The following RPGRIP1L variants were observed in gnomAD, a reference collection of about 807,000 sequenced individuals.
RPGRIP1L encodes RPGRIP1 like.
Under a neutral mutation model 160.4 loss-of-function variants are expected in RPGRIP1L, and 131 were observed. The ratio of observed to expected loss-of-function variants is 0.82; its 90% confidence interval spans 0.71 to 0.94. RPGRIP1L has a LOEUF of 0.94. Ranked by LOEUF, RPGRIP1L falls within the 40% of genes least tolerant of loss-of-function variation. RPGRIP1L has a pLI of 0.00. For missense variants in RPGRIP1L, 1,522 were observed against 1,535.8 expected (o/e 0.99, Z 0.15); for synonymous variants, 510 against 515.8 (o/e 0.99, Z 0.15).
At chr16:53,617,263 T>C (rs556047647) in intron 24 of RPGRIP1L, among the ~76,000 whole-genome samples, 8 of 152,120 alleles carry the variant, frequency 5.3e-5, no homozygotes, top group East Asian at 3.9e-4. Context: ...AGTTTCTCAA[T>C]AGACAATTAA....
chr16:53,678,607 A>G (rs923213548), intron 6 of RPGRIP1L, among the ~76,000 whole-genome samples: 3 of 152,178 alleles, frequency 2.0e-5, no homozygotes, highest in Non-Finnish European at 4.4e-5. Context: ...TGAAAGCTAA[A>G]AAAAAGCTTC....
At chr16:53,631,891 C>T (rs1598279018) in intron 22 of RPGRIP1L, among the ~76,000 whole-genome samples, 2 of 152,054 alleles carry the variant, frequency 1.3e-5, no homozygotes, top group Non-Finnish European at 2.9e-5. Context: ...TTGGGTGGCA[C>T]ATTATGTTAA....
rs114211526 is a variant in RPGRIP1L, at chr16:53,614,762, G to T, written c.3617-3711C>A. On this transcript the variant is annotated intron_variant, in intron 24 of 26. Transcript: ENST00000647211. ...GTATCAGAACTCTCCAAAAGTTAAG[G>T]TATTTACCTTTCATTCTCCTCAGAA... 6.4e-3 allele frequency among the ~76,000 whole-genome samples: 975 copies of T among 152,236 alleles called. 9 individuals carry two copies. Among genetic ancestry groups the T allele is most frequent in the African/African-American group, 0.022 (913 of 41,528 alleles).
At chr16:53,609,583 C>A (rs1166279867) in intron 25 of RPGRIP1L, among the ~76,000 whole-genome samples, 2 of 152,140 alleles carry the variant, frequency 1.3e-5, no homozygotes, top group African/African-American at 4.8e-5. Flanking sequence ...ACAAATAAGA[C>A]TGAATAGGCT....
chr16:53,646,370 C>A (rs954387946), intron 16 of RPGRIP1L, among the ~76,000 whole-genome samples: 2 of 152,120 alleles, frequency 1.3e-5, no homozygotes, highest in African/African-American at 4.8e-5. Context: ...TTCACCCGCC[C>A]ACCCAGAGTA....
intron 15 of RPGRIP1L, 89 bp downstream of exon 15, chr16:53,652,446 T>C: frequency 9.6e-7 from 1 of 1,044,846 alleles, no homozygotes; most frequent in South Asian, 1.3e-5. Context: ...ACCTTTAATA[T>C]ACAAGAAAAG....
chr16:53,638,487 A>C, intron 19 of RPGRIP1L, 76 bp from the exon 20 acceptor site: 1 of 771,216 alleles, frequency 1.3e-6, no homozygotes, highest in Non-Finnish European at 2.2e-6. Context: ...TATCATATAC[A>C]TATTGAACTA....
chr16:53,673,123 C>T (rs1210480547), intron 7 of RPGRIP1L, 107 bp from the exon 8 acceptor site: 31 of 1,065,424 alleles, frequency 2.9e-5, no homozygotes, highest in Admixed American at 1.4e-4. Context: ...AATTTACTCC[C>T]GAAGTTCACC....
At chr16:53,697,577 T>C (rs1349591616) in intron 2 of RPGRIP1L, among the ~76,000 whole-genome samples, 1 of 152,244 alleles carries the variant, frequency 6.6e-6, no homozygotes, top group Non-Finnish European at 1.5e-5. Flanking sequence ...TTGGCCGGGC[T>C]GGTCTCCAGC....
At chr16:53,638,682 A>G (rs1017229268) in intron 19 of RPGRIP1L, among the ~76,000 whole-genome samples, 4 of 151,920 alleles carry the variant, frequency 2.6e-5, no homozygotes, top group African/African-American at 9.7e-5. Flanking sequence ...CAAATGTTCA[A>G]CAGGGCATTA....
At chr16:53,625,754 C>T (rs1965106433) in intron 22 of RPGRIP1L, among the ~76,000 whole-genome samples, 2 of 152,090 alleles carry the variant, frequency 1.3e-5, no homozygotes, top group East Asian at 1.9e-4. Context: ...TGTGTCTGTG[C>T]AGAAAGAAGA....
chr16:53,600,912 T>C lies in RPGRIP1L; in HGVS notation c.*1164A>G, dbSNP rs547440858. 1 of 152,774 alleles carries C rather than the reference T, an allele frequency of 6.5e-6. No individual in the cohort carries two copies. Among genetic ancestry groups the C allele is most frequent in the African/African-American group, 2.4e-5 (1 of 41,580 alleles). 9.5% of individuals were successfully genotyped at this position (152,774 alleles called of 1,614,324 possible). On this transcript the variant is annotated 3_prime_UTR_variant, in exon 27 of 27. Transcript: ENST00000647211. ...TTAATAAATTACTTATCTCCCTGAA[T>C]ACTTTACATATGCTTAAGAAGGAAC...
chr16:53,617,073 C>CAAAAAAAAAAAAAA (rs397945611), intron 24 of RPGRIP1L, among the ~76,000 whole-genome samples: 229 of 21,838 alleles, frequency 0.01, 35 homozygotes, highest in African/African-American at 0.035. Flanking sequence ...CCTTGCATCA[C>CAAAAAAAAAAAAAA]AAAAAAAAAA....
chr16:53,630,702 A>C (rs186972994), intron 22 of RPGRIP1L, among the ~76,000 whole-genome samples: 1 of 152,284 alleles, frequency 6.6e-6, no homozygotes, highest in East Asian at 1.9e-4. Context: ...AGAGTATGTC[A>C]ACATTTCCAG....
chr16:53,647,357 G>T (rs16952417), intron 16 of RPGRIP1L, among the ~76,000 whole-genome samples: 11 of 152,170 alleles, frequency 7.2e-5, no homozygotes, highest in African/African-American at 2.7e-4. Context: ...CTGGACCTTC[G>T]GAAGGCAGTG....
rs574430009 is a variant in RPGRIP1L, at chr16:53,638,360, G to A, written c.3010C>T (p.His1004Tyr). The A allele has an allele frequency of 1.4e-4, 217 of 1,600,140 alleles. 2 individuals carry two copies. The South Asian group carries it at 2.2e-3, about 17-fold the overall frequency. Residue 1004 changes from histidine (H) to tyrosine (Y), a missense_variant, in exon 20 of 27, where the codon CAT (histidine) becomes TAT (tyrosine). Physicochemically the swap from His to Tyr is moderately conservative, Grantham distance 83. Coordinates refer to ENST00000647211, the MANE Select transcript of RPGRIP1L (RefSeq NM_015272.5). ...DRKEISPEVE[H>Y]IPEIEINMLT... ...ATATTAATTTCTATTTCTGGTATAT[G>A]CTCTACCTCTGGTGAAATTTCCTTC...
rs1196015536 is a variant in RPGRIP1L at position 53,645,957 on chromosome 16, G to C, written c.2351C>G (p.Ser784Cys). 5 of 1,613,956 alleles carry C rather than the reference G, an allele frequency of 3.1e-6. No homozygotes were observed. The highest frequency in any genetic ancestry group is 4.5e-5 in the East Asian group (2 of 44,892). The change falls in exon 17 of 27, where the codon TCC becomes TGC. Residue 784 changes from serine to cysteine, a missense_variant. Coordinates refer to ENST00000647211, the MANE Select transcript of RPGRIP1L (RefSeq NM_015272.5). ...PKTAQLSSTD[S>C]TDGNLNELHI... ...AAGTTCATTTAAGTTGCCATCTGTG[G>C]AATCTGTAGAACTGAGTTGAGCAGT...
intron 6 of RPGRIP1L, among the ~76,000 whole-genome samples, chr16:53,676,855 G>C (rs562994311): frequency 6.6e-6 from 1 of 151,804 alleles, no homozygotes; most frequent in African/African-American, 2.4e-5. Context: ...GGATGGTTTC[G>C]ATCTCCTGAC....
Position 53,686,511 on chromosome 16 carries a change from T to C in RPGRIP1L, c.698A>G (p.Lys233Arg). Residue 233 changes from lysine (K) to arginine (R), a missense_variant, in exon 6 of 27, where the codon AAA (lysine) becomes AGA (arginine). Transcript: ENST00000647211. The stretch of plus-strand genomic sequence containing the variant: ...ATTTTCTTTTCTCCTCAACTGAGTT[T>C]TCAGGATCTCAGCCAAGTGCTCTAA... ...EELEHLAEIL[K>R]TQLRRKENEI... 1 of 1,613,722 alleles carries C rather than the reference T, an allele frequency of 6.2e-7. No individual in the cohort carries two copies. The highest frequency in any genetic ancestry group is 8.5e-7 in the Non-Finnish European group (1 of 1,179,764).
Sources: gnomAD v4.1 joint callset for allele counts (sites outside exome capture counted in the v4.1 genomes callset) on GRCh38, gnomAD v4.1.1 for gene constraint, MANE v1.5 for transcripts, NCBI Gene and HGNC (gene_info 2026-07-23, HGNC 2026-07-21) for gene names.